The following MYO9B variants were observed in gnomAD, a reference collection of about 807,000 sequenced individuals.
The protein encoded by MYO9B is myosin IXB.
Under a neutral mutation model 229.5 loss-of-function variants are expected in MYO9B, and 71 were observed. The observed-to-expected ratio is 0.31, with a 90% CI of 0.26 to 0.38. The LOEUF (loss-of-function observed/expected upper bound fraction) is 0.38. Among genes scored for constraint, MYO9B ranks in the 10% least tolerant of loss-of-function variants. The pLI, the probability that MYO9B is intolerant of heterozygous loss-of-function variation, is 1.00. For missense variants in MYO9B, 2,255 were observed against 2,920.5 expected (o/e 0.77, Z 5.25); for synonymous variants, 1,185 against 1,235.8 (o/e 0.96, Z 0.86).
In MYO9B at chr19:17,193,312, G is replaced by T. The variant is rs1025866584; in HGVS notation, c.3128+250G>T. On this transcript the variant is annotated intron_variant, in intron 21 of 39. Transcript: ENST00000682292. This position sits in a 1 kb window ranked among gnomAD's most constrained non-coding sequence, Gnocchi z 4.3. The stretch of plus-strand genomic sequence containing the variant: ...TGGCTGCACCCATTCTCTGCCCAGG[G>T]ACTCCCCTGTACCTGGATCGGTCAG... Among the ~76,000 whole-genome samples, 3 of 152,160 alleles carry T rather than the reference G, an allele frequency of 2.0e-5. No homozygotes were observed. Among genetic ancestry groups the T allele is most frequent in the African/African-American group, 4.8e-5 (2 of 41,430 alleles).
At chr19:17,204,133 T>C (rs1225631458) in intron 30 of MYO9B, among the ~76,000 whole-genome samples, 1 of 151,994 alleles carries the variant, frequency 6.6e-6, no homozygotes, top group Non-Finnish European at 1.5e-5. Flanking sequence ...TCAGTTGTCA[T>C]GGTCCTGAGA....
chr19:17,177,155 C>T (rs2072799543), intron 14 of MYO9B, among the ~76,000 whole-genome samples: 1 of 151,990 alleles, frequency 6.6e-6, no homozygotes, highest in Admixed American at 6.6e-5. Context: ...GAGCCAAGAT[C>T]GCACCACTGC....
chr19:17,212,465 C>A lies in MYO9B; in HGVS notation c.*155C>A. 2.1e-6 allele frequency: 2 copies of A among 967,620 alleles called. No individual in the cohort carries two copies. The highest frequency in any genetic ancestry group is 2.9e-6 in the Non-Finnish European group (2 of 700,044). The allele number at this position is 967,620 out of a possible 1,614,324, so 59.9% of individuals were successfully genotyped here. ...TGGGCACCGGCCCCAAGTGCAGAGT[C>A]AAGGCAGGGAGAGGCCGGCTGGAGC... is the stretch of plus-strand genomic sequence containing the variant. On this transcript the variant is annotated 3_prime_UTR_variant, in exon 40 of 40. Transcript: ENST00000682292. The surrounding 1 kb of genome is among the most constrained non-coding windows in gnomAD (Gnocchi z 5.4).
At chr19:17,190,262 C>T (rs1383223586) in intron 19 of MYO9B, among the ~76,000 whole-genome samples, 5 of 148,376 alleles carry the variant, frequency 3.4e-5, no homozygotes, top group South Asian at 2.3e-4. Context: ...GGTGTGATCT[C>T]GGCTCACTCC....
Position 17,172,669 on chromosome 19 carries a change from C to T in MYO9B, c.1936-90C>T, listed in dbSNP as rs751128601. ...GCACTTAGGATGGGCCCCACCCCAC[C>T]GTCAGCCCTTCCTGCGCCAGCCCGG... On this transcript the variant is annotated intron_variant, in intron 12 of 39. Coordinates refer to ENST00000682292, the MANE Select transcript of MYO9B (RefSeq NM_004145.4). This position sits in a 1 kb window ranked among gnomAD's most constrained non-coding sequence, Gnocchi z 8.2. The T allele has an allele frequency of 4.1e-5, 63 of 1,523,116 alleles. No homozygotes were observed. The highest frequency in any genetic ancestry group is 3.6e-5 in the Non-Finnish European group (40 of 1,104,824). 94.4% of individuals were successfully genotyped at this position (1,523,116 alleles called of 1,614,324 possible).
rs116558154 is a variant in MYO9B at position 17,168,102 on chromosome 19, G to A, written c.1793+38G>A. The A allele has an allele frequency of 6.2e-3, 9,985 of 1,606,624 alleles. 499 individuals carry two copies. In the African/African-American group the frequency reaches 0.12, roughly 19 times the overall value. On this transcript the variant is annotated intron_variant, in intron 11 of 39. Coordinates refer to ENST00000682292, the MANE Select transcript of MYO9B (RefSeq NM_004145.4). ...ACCCCGTCCATCCCGGCACATCTACGCATGGGCACTGGGTCAGGTTCTGCA... is the reference window on the plus strand; with the variant it reads ...ACCCCGTCCATCCCGGCACATCTACACATGGGCACTGGGTCAGGTTCTGCA...
In MYO9B at chr19:17,101,628, C is replaced by T. The variant is rs979285819; in HGVS notation, c.-58-32C>T. 8.3e-6 allele frequency: 12 copies of T among 1,452,914 alleles called. No homozygotes were observed. The African/African-American group carries it at 1.4e-4, about 17-fold the overall frequency. 90.0% of individuals were successfully genotyped at this position (1,452,914 alleles called of 1,614,324 possible). ...GCCCCTTAAACTTCCTCCCACCATTCTGACCATGCCTGGCTCTGACCTCCC... is the reference window on the plus strand; with the variant it reads ...GCCCCTTAAACTTCCTCCCACCATTTTGACCATGCCTGGCTCTGACCTCCC... On this transcript the variant is annotated intron_variant, in intron 1 of 39. Coordinates refer to ENST00000682292, the MANE Select transcript of MYO9B (RefSeq NM_004145.4). The surrounding 1 kb of genome is among the most constrained non-coding windows in gnomAD (Gnocchi z 4.7).
chr19:17,205,892 G>A, intron 31 of MYO9B, 68 bp from the exon 32 acceptor site: 1 of 1,447,176 alleles, frequency 6.9e-7, no homozygotes, highest in Non-Finnish European at 9.2e-7. Context: ...AGGAGGCAGA[G>A]GCCCCCAGAG....
intron 2 of MYO9B, among the ~76,000 whole-genome samples, chr19:17,131,353 C>T (rs1478113735): frequency 1.3e-5 from 2 of 152,266 alleles, no homozygotes; most frequent in African/African-American, 4.8e-5. Context: ...ACTGCAACCG[C>T]TGCCTCCCGC....
Position 17,212,330 on chromosome 19 carries a change from C to G in MYO9B, c.*20C>G. 3 of 1,461,508 alleles carry G rather than the reference C, an allele frequency of 2.1e-6. No individual in the cohort carries two copies. The highest frequency in any genetic ancestry group is 2.7e-6 in the Non-Finnish European group (3 of 1,114,114). 90.5% of individuals were successfully genotyped at this position (1,461,508 alleles called of 1,614,324 possible). On this transcript the variant is annotated 3_prime_UTR_variant, in exon 40 of 40. Coordinates refer to ENST00000682292, the MANE Select transcript of MYO9B (RefSeq NM_004145.4). This position sits in a 1 kb window ranked among gnomAD's most constrained non-coding sequence, Gnocchi z 5.4. ...GGCTGAGAGCCACAGCTGACAAAGT[C>G]TGCATGTCCGAGGACGGCCCCTGCA...
At chr19:17,147,823 C>G (rs921440000) in intron 3 of MYO9B, among the ~76,000 whole-genome samples, 1 of 150,432 alleles carries the variant, frequency 6.6e-6, no homozygotes, top group Non-Finnish European at 1.5e-5. Flanking sequence ...GCTGGGATTA[C>G]AGGCATGCGC....
chr19:17,079,197 G>T (rs2057512786), intron 1 of MYO9B, among the ~76,000 whole-genome samples: 1 of 152,162 alleles, frequency 6.6e-6, no homozygotes, highest in African/African-American at 2.4e-5. Context: ...GCCCATCATT[G>T]CCTTGGTGGG....
At chr19:17,186,755 G>A (rs1161288547) in intron 18 of MYO9B, among the ~76,000 whole-genome samples, 1 of 152,086 alleles carries the variant, frequency 6.6e-6, no homozygotes, top group Non-Finnish European at 1.5e-5. Flanking sequence ...TTTTGAGACA[G>A]AATCTCCCTC....
In MYO9B at chr19:17,172,709, G is replaced by A. The variant is rs774702772; in HGVS notation, c.1936-50G>A. On this transcript the variant is annotated intron_variant, in intron 12 of 39. Transcript: ENST00000682292. The surrounding 1 kb of genome is among the most constrained non-coding windows in gnomAD (Gnocchi z 8.2). ...CGCCAGCCCGGGGTCTTTGGTAGGC[G>A]CCGGTGAGTGACTATCCCCGAGTGA... is the stretch of plus-strand genomic sequence containing the variant. The A allele has an allele frequency of 3.3e-5, 53 of 1,593,964 alleles. No homozygotes were observed. Among genetic ancestry groups the A allele is most frequent in the Middle Eastern group, 1.7e-4 (1 of 6,040 alleles).
intron 2 of MYO9B, among the ~76,000 whole-genome samples, chr19:17,127,831 G>A (rs1214657335): frequency 6.6e-6 from 1 of 152,174 alleles, no homozygotes; most frequent in African/African-American, 2.4e-5. Context: ...ACAGCAGATG[G>A]AGCCAAAAAT....
chr19:17,201,588 C>T (rs918444260), intron 26 of MYO9B, among the ~76,000 whole-genome samples: 18 of 152,032 alleles, frequency 1.2e-4, no homozygotes, highest in Non-Finnish European at 1.9e-4. Flanking sequence ...GGATTCTGTC[C>T]GCCAGGGAAC....
In MYO9B at chr19:17,159,768, C is replaced by T. The variant is rs1285695467; in HGVS notation, c.1419+284C>T. Among the ~76,000 whole-genome samples the T allele has an allele frequency of 3.9e-5, 6 of 152,248 alleles. No homozygotes were observed. The East Asian group carries it at 1.2e-3, about 29-fold the overall frequency. On this transcript the variant is annotated intron_variant, in intron 8 of 39. Coordinates refer to ENST00000682292, the MANE Select transcript of MYO9B (RefSeq NM_004145.4). ...TAGCAATGGTTGGCCAGATCCAGCC[C>T]TCCACCTGGTTTTGCTAATAAAGTT... is the stretch of plus-strand genomic sequence containing the variant.
rs2073159152 is a variant in MYO9B, at chr19:17,206,172, G to A, written c.5257+20G>A. The A allele has an allele frequency of 1.2e-5, 19 of 1,609,086 alleles. No individual in the cohort carries two copies. In the East Asian group the frequency reaches 4.2e-4, roughly 36 times the overall value. On this transcript the variant is annotated intron_variant, in intron 32 of 39. Coordinates refer to ENST00000682292, the MANE Select transcript of MYO9B (RefSeq NM_004145.4). Reference sequence around the variant, plus strand: ...AGACAGGTGGGCGCTGTGGGCAGGTGGGTGCAGTGCCAGGCCCCAGGCACA... The same window carrying A: ...AGACAGGTGGGCGCTGTGGGCAGGTAGGTGCAGTGCCAGGCCCCAGGCACA...
At position 17,110,184 on chromosome 19, in the gene MYO9B, G is replaced by A. The variant is rs1026312291; in HGVS notation, c.840+7627G>A. Among the ~76,000 whole-genome samples the A allele has an allele frequency of 9.2e-5, 14 of 152,160 alleles. No individual in the cohort carries two copies. In the South Asian group the frequency reaches 2.3e-3, roughly 25 times the overall value. On this transcript the variant is annotated intron_variant, in intron 2 of 39. Coordinates refer to ENST00000682292, the MANE Select transcript of MYO9B (RefSeq NM_004145.4). ...TCGCTGGATGCACCCCCTGACCCCCGCCCCCCGCGAGGGTTGCAGCCTCGC... is the reference window on the plus strand; with the variant it reads ...TCGCTGGATGCACCCCCTGACCCCCACCCCCCGCGAGGGTTGCAGCCTCGC...
Sources: gnomAD v4.1 joint callset for allele counts (sites outside exome capture counted in the v4.1 genomes callset) on GRCh38, gnomAD v4.1.1 for gene constraint, Gnocchi (gnomAD v3.1) non-coding constraint, MANE v1.5 for transcripts, NCBI Gene and HGNC (gene_info 2026-07-23, HGNC 2026-07-21) for gene names.